The following DAB1 variants were observed in gnomAD, a reference collection of about 807,000 sequenced individuals.
DAB1 encodes the protein disabled homolog 1.
A neutral mutation model predicts 64.6 loss-of-function variants in DAB1; 15 were observed. The observed-to-expected ratio is 0.23, with a 90% CI of 0.16 to 0.36. The LOEUF (loss-of-function observed/expected upper bound fraction) is 0.36. Among genes scored for constraint, DAB1 ranks in the 10% least tolerant of loss-of-function variants. The pLI is 1.00. For synonymous variants in DAB1, 235 were observed against 251.9 expected (o/e 0.93, Z 0.64); for missense variants, 596 against 706.7 (o/e 0.84, Z 1.78).
chr1:57,798,339 G>A (rs1650966909), intron 6 of DAB1, among the ~76,000 whole-genome samples: 1 of 152,204 alleles, frequency 6.6e-6, no homozygotes, highest in Non-Finnish European at 1.5e-5. Context: ...CGTAAGTTCT[G>A]GTCTATGGAC....
At chr1:57,872,585 A>T (rs1200548092) in intron 1 of DAB1, among the ~76,000 whole-genome samples, 1 of 152,176 alleles carries the variant, frequency 6.6e-6, no homozygotes, top group Non-Finnish European at 1.5e-5. Flanking sequence ...TGAATGCAGC[A>T]AGAAATAGGG....
At chr1:58,528,619 T>C (rs1051717419) in intron 1 of DAB1, among the ~76,000 whole-genome samples, 1 of 152,192 alleles carries the variant, frequency 6.6e-6, no homozygotes, top group Non-Finnish European at 1.5e-5. Context: ...CATCCTACAG[T>C]GCACAGGACA....
chr1:57,600,304 T>G (rs988663062), intron 7 of DAB1, among the ~76,000 whole-genome samples: 6 of 152,152 alleles, frequency 3.9e-5, no homozygotes. Context: ...GTAAATGGAA[T>G]CGATCAGAAT....
intron 6 of DAB1, among the ~76,000 whole-genome samples, chr1:57,743,682 A>G (rs1445868724): frequency 2.0e-5 from 3 of 152,152 alleles, no homozygotes; most frequent in Admixed American, 2.0e-4. Context: ...CTCTGCCGAG[A>G]GCAGCTCGGT....
At chr1:58,393,004 G>T (rs1046664450) in intron 3 of DAB1, among the ~76,000 whole-genome samples, 27 of 151,846 alleles carry the variant, frequency 1.8e-4, no homozygotes, top group African/African-American at 5.8e-4. Flanking sequence ...AGTTGGGATT[G>T]GTCAGAGTTC....
chr1:57,062,406 A>G (rs1650496198), intron 9 of DAB1, among the ~76,000 whole-genome samples: 2 of 152,148 alleles, frequency 1.3e-5, no homozygotes, highest in African/African-American at 4.8e-5. Context: ...CAGAAACACT[A>G]TCCTCCACTT....
chr1:58,224,277 G>C (rs1199425791), intron 4 of DAB1, among the ~76,000 whole-genome samples: 2 of 152,198 alleles, frequency 1.3e-5, no homozygotes, highest in African/African-American at 4.8e-5. Context: ...TAAGTGTCTA[G>C]CACAAGAGCT....
intron 4 of DAB1, among the ~76,000 whole-genome samples, chr1:58,183,418 A>G (rs1465631074): frequency 6.6e-6 from 1 of 152,148 alleles, no homozygotes; most frequent in Non-Finnish European, 1.5e-5. Flanking sequence ...AACAAAGATC[A>G]ACAGGGATAG....
rs1654261195 is a variant in DAB1 at position 57,097,391 on chromosome 1, C to A, written c.307-24977G>T. ...GCTGATGGATGCTTCTACATTACCA[C>A]CCAAAGCCTTATAGTTATCCAGACA... On this transcript the variant is annotated intron_variant, in intron 4 of 14. Coordinates refer to ENST00000371236, the MANE Select transcript of DAB1 (RefSeq NM_001365792.1). 2.0e-5 allele frequency among the ~76,000 whole-genome samples: 3 copies of A among 152,296 alleles called. 1 individual carries two copies. In the South Asian group the frequency reaches 6.2e-4, roughly 32 times the overall value.
intron 3 of DAB1, among the ~76,000 whole-genome samples, chr1:58,381,932 AGACTGAATGACACCATCAAAGAAGTG>A (rs1402370528): frequency 2.0e-5 from 3 of 152,174 alleles, no homozygotes; most frequent in African/African-American, 7.2e-5. Context: ...CAAAGAAGTG[AGACTGAATGACACCATCAAAGAAGTG>A]AGACTGAATG....
chr1:57,827,134 T>A (rs1652384515), intron 1 of DAB1, among the ~76,000 whole-genome samples: 1 of 152,220 alleles, frequency 6.6e-6, no homozygotes, highest in Admixed American at 6.5e-5. Flanking sequence ...GAAAAATTAA[T>A]GCTGCCAAAG....
At chr1:58,071,410 G>GTGTGTGTGTGT in intron 5 of DAB1, 1 of 151,074 alleles carries the variant, frequency 6.6e-6, no homozygotes, top group Non-Finnish European at 1.4e-5. Context: ...GTGTGTGGGT[G>GTGTGTGTGTGT]GGGAGAGACT....
chr1:58,212,813 C>A (rs1557697887), intron 4 of DAB1, among the ~76,000 whole-genome samples: 2 of 152,260 alleles, frequency 1.3e-5, no homozygotes, highest in East Asian at 3.9e-4. Flanking sequence ...CTAATTTCCT[C>A]TGATTCAAGT....
intron 4 of DAB1, among the ~76,000 whole-genome samples, chr1:58,276,212 GA>G (rs1557720618): frequency 6.6e-6 from 1 of 152,130 alleles, no homozygotes; most frequent in Non-Finnish European, 1.5e-5. Context: ...TTTGCAAGAT[GA>G]AAAAGTTCTG....
At chr1:58,546,014 G>C (rs1215033701) in intron 1 of DAB1, among the ~76,000 whole-genome samples, 1 of 152,150 alleles carries the variant, frequency 6.6e-6, no homozygotes, top group African/African-American at 2.4e-5. Flanking sequence ...CCAAATAAGG[G>C]ATTTTCATCT....
intron 6 of DAB1, among the ~76,000 whole-genome samples, chr1:57,816,643 T>A (rs1461011269): frequency 6.6e-6 from 1 of 152,232 alleles, no homozygotes; most frequent in Non-Finnish European, 1.5e-5. Context: ...GGACATTTAA[T>A]GGAGAATTCA....
chr1:57,711,800 G>A lies in DAB1; in HGVS notation n.552-62135C>T, dbSNP rs537097717. Among the ~76,000 whole-genome samples the A allele has an allele frequency of 1.4e-3, 216 of 152,258 alleles. 1 individual carries two copies. The highest frequency in any genetic ancestry group is 5.0e-3 in the African/African-American group (209 of 41,538). On this transcript the variant is annotated intron_variant and non_coding_transcript_variant, in intron 6 of 20. Coordinates refer to the DAB1 transcript ENST00000485760. ...GGCTAGGCCTCTACATGTGATGAAG[G>A]CAAACTGATTTTTAATAAGAGGCAT...
chr1:57,829,466 T>G (rs1433463659), intron 1 of DAB1, among the ~76,000 whole-genome samples: 1 of 152,226 alleles, frequency 6.6e-6, no homozygotes, highest in Non-Finnish European at 1.5e-5. Flanking sequence ...ACAAGACTGC[T>G]ATTATTCTGT....
At chr1:58,492,949 C>G (rs1320751885) in intron 3 of DAB1, among the ~76,000 whole-genome samples, 1 of 152,066 alleles carries the variant, frequency 6.6e-6, no homozygotes, top group Admixed American at 6.5e-5. Context: ...CAAAGCCTGG[C>G]AGAGACACAA....
Sources: allele counts gnomAD v4.1 joint callset (sites outside exome capture counted in the v4.1 genomes callset), GRCh38; gene constraint gnomAD v4.1.1; transcripts MANE v1.5; gene names NCBI Gene and HGNC (gene_info 2026-07-23, HGNC 2026-07-21).